SHANK2: variants seen among roughly 807,000 people sequenced by gnomAD.
SHANK2 encodes the protein SH3 and multiple ankyrin repeat domains protein 2.
Under a neutral mutation model 133.7 loss-of-function variants are expected in SHANK2, and 43 were observed. The observed-to-expected ratio is 0.32, with a 90% CI of 0.25 to 0.41. The LOEUF is 0.41. SHANK2 is among the 10% of genes least tolerant of loss of function. SHANK2 has a pLI of 1.00. For synonymous variants in SHANK2, 1,017 were observed against 952.8 expected (o/e 1.07, Z -1.24); for missense variants, 1,994 against 2,235.8 (o/e 0.89, Z 2.18).
intron 10 of SHANK2, chr11:70,911,266 C>A: frequency 2.2e-6 from 1 of 444,814 alleles, no homozygotes; most frequent in Non-Finnish European, 4.5e-6. Flanking sequence ...TGCTCTGTTG[C>A]CCTGGCTTGA....
chr11:70,636,803 A>T (rs1213921182), intron 17 of SHANK2, among the ~76,000 whole-genome samples: 1 of 151,892 alleles, frequency 6.6e-6, no homozygotes, highest in South Asian at 2.1e-4. Flanking sequence ...CGTGTGTGTG[A>T]ACATGTGTGT....
chr11:71,210,230 ATATATATATATATATATATATATT>A (rs1310221434), intron 2 of SHANK2, among the ~76,000 whole-genome samples: 767 of 70,500 alleles, frequency 0.011, 31 homozygotes, highest in African/African-American at 0.04. Flanking sequence ...ATATATATAT[ATATATATATATATATATATATATT>A]TATTTATTTT....
chr11:70,602,754 T>C (rs1554991325), intron 17 of SHANK2, among the ~76,000 whole-genome samples: 1 of 152,262 alleles, frequency 6.6e-6, no homozygotes, highest in Admixed American at 6.5e-5. Context: ...ACATAAAATG[T>C]TACATCCTCT....
intron 17 of SHANK2, among the ~76,000 whole-genome samples, chr11:70,510,601 C>G (rs1251352280): frequency 6.6e-6 from 1 of 152,198 alleles, no homozygotes; most frequent in Admixed American, 6.5e-5. Flanking sequence ...AGATCCTGTC[C>G]CTCCTTTCCC....
rs77125771 is a variant in SHANK2 at position 70,602,304 on chromosome 11, C to T, written c.2061+57524G>A. On this transcript the variant is annotated intron_variant, in intron 17 of 25. Coordinates refer to ENST00000601538, the MANE Select transcript of SHANK2 (RefSeq NM_012309.5). ...ATAAATTACCCAGTCATAGATATTT[C>T]TTTACAGCAACACAAGAAGGGCCTA... Among the ~76,000 whole-genome samples, 1,414 of 152,352 alleles carry T rather than the reference C, an allele frequency of 9.3e-3. 28 individuals carry two copies. The highest frequency in any genetic ancestry group is 0.033 in the African/African-American group (1,356 of 41,568).
Position 71,090,442 on chromosome 11 carries a change from C to CGTGT in SHANK2, c.912+1976_912+1979dup, listed in dbSNP as rs1181678975. ...GCCAGGGTTCTCCAGAGAAACACTA[C>CGTGT]GTGTGTGTGTGTGTGTGTGTGTGTG... On this transcript the variant is annotated intron_variant, in intron 8 of 25. Transcript: ENST00000601538. Among the ~76,000 whole-genome samples the CGTGT allele has an allele frequency of 5.0e-4, 4 of 8,044 alleles. 2 individuals carry two copies. Among genetic ancestry groups the CGTGT allele is most frequent in the African/African-American group, 9.7e-4 (2 of 2,058 alleles). The allele number at this position is 8,044 out of a possible 152,430, so 5.3% of individuals were successfully genotyped here.
rs563440586 is a variant in SHANK2 at position 70,502,644 on chromosome 11, C to T, written c.2197+152G>A. The T allele has an allele frequency of 5.9e-4, 536 of 901,116 alleles. 1 individual carries two copies. The African/African-American group carries it at 8.0e-3, about 13-fold the overall frequency. The allele number at this position is 901,116 out of a possible 1,614,324, so 55.8% of individuals were successfully genotyped here. On this transcript the variant is annotated intron_variant, in intron 18 of 25. Transcript: ENST00000601538. ...CCCAAGTCATTGTCGTGGGCTCTGG[C>T]GGTAAATTCCAGCCTCACCCCTGTG...
intron 25 of SHANK2, among the ~76,000 whole-genome samples, chr11:70,478,128 GGTAA>G (rs2058687619): frequency 6.6e-6 from 1 of 151,724 alleles, no homozygotes; most frequent in African/African-American, 2.4e-5. Flanking sequence ...ATTGGGGTGA[GGTAA>G]GTAAAGAAGC....
At chr11:70,660,789 AGGC>A (rs2061475552) in intron 16 of SHANK2, among the ~76,000 whole-genome samples, 1 of 152,162 alleles carries the variant, frequency 6.6e-6, no homozygotes, top group Non-Finnish European at 1.5e-5. Flanking sequence ...CCTGAGTCTG[AGGC>A]AGGTGGGCAT....
At chr11:71,245,321 T>C (rs1042365201) in intron 1 of SHANK2, among the ~76,000 whole-genome samples, 2 of 152,216 alleles carry the variant, frequency 1.3e-5, no homozygotes, top group Admixed American at 6.5e-5. Context: ...TTGTTATCCA[T>C]AAAAACACAT....
intron 9 of SHANK2, among the ~76,000 whole-genome samples, chr11:71,070,877 A>T (rs1951133854): frequency 6.6e-6 from 1 of 152,168 alleles, no homozygotes; most frequent in African/African-American, 2.4e-5. Flanking sequence ...TGGGGAGAGG[A>T]TGTCCTGAGA....
intron 15 of SHANK2, among the ~76,000 whole-genome samples, chr11:70,692,797 C>T (rs1555021365): frequency 6.6e-6 from 1 of 152,182 alleles, no homozygotes; most frequent in Non-Finnish European, 1.5e-5. Context: ...AAATAGGGAG[C>T]TGTGGACAGT....
chr11:70,753,411 T>C (rs1305118349), intron 14 of SHANK2, among the ~76,000 whole-genome samples: 1 of 152,014 alleles, frequency 6.6e-6, no homozygotes, highest in Non-Finnish European at 1.5e-5. Context: ...TTCGCCAAGA[T>C]AGACCACAGC....
At chr11:70,902,050 C>A (rs782339023) in intron 10 of SHANK2, among the ~76,000 whole-genome samples, 3 of 152,220 alleles carry the variant, frequency 2.0e-5, no homozygotes, top group Non-Finnish European at 4.4e-5. Flanking sequence ...AAGATGTCTC[C>A]ATGGCCCGGG....
intron 6 of SHANK2, among the ~76,000 whole-genome samples, chr11:71,104,546 G>A (rs2135184234): frequency 6.6e-6 from 1 of 152,344 alleles, no homozygotes; most frequent in South Asian, 2.1e-4. Flanking sequence ...GTTGGAACTT[G>A]CGTTTAGCTT....
In SHANK2 at chr11:70,822,823, G is replaced by A. The variant is rs111656605; in HGVS notation, c.1175-2141C>T. Among the ~76,000 whole-genome samples the A allele has an allele frequency of 2.6e-5, 3 of 113,788 alleles. 1 individual carries two copies. The highest frequency in any genetic ancestry group is 1.1e-4 in the African/African-American group (3 of 28,474). 74.6% of individuals were successfully genotyped at this position (113,788 alleles called of 152,430 possible). A position where few individuals can be genotyped will look rare whatever the true frequency, so the allele number is the denominator to read the frequency against. ...GCTCATAGGGGACAGAGGTGGCGCT[G>A]GCAGAGCTCATGGGGGTCAGAGGTG... On this transcript the variant is annotated intron_variant, in intron 11 of 25. Transcript: ENST00000601538.
At chr11:71,200,864 A>ACACACT (rs1491041136) in intron 2 of SHANK2, among the ~76,000 whole-genome samples, 10 of 149,250 alleles carry the variant, frequency 6.7e-5, no homozygotes, top group African/African-American at 2.5e-4. Flanking sequence ...ACACACACAC[A>ACACACT]CTTCAGATCT....
intron 11 of SHANK2, among the ~76,000 whole-genome samples, chr11:70,850,527 C>T (rs926943471): frequency 1.3e-5 from 2 of 152,170 alleles, no homozygotes; most frequent in African/African-American, 2.4e-5. Context: ...TGTGTAGAAA[C>T]CATACCAAGG....
At chr11:70,780,576 ATTT>A (rs35733465) in intron 14 of SHANK2, among the ~76,000 whole-genome samples, 1 of 140,864 alleles carries the variant, frequency 7.1e-6, no homozygotes, top group Non-Finnish European at 1.5e-5. Context: ...CTGGTAATGC[ATTT>A]TTTTTTTTTT....
Sources: allele counts gnomAD v4.1 joint callset (sites outside exome capture counted in the v4.1 genomes callset), GRCh38; gene constraint gnomAD v4.1.1; transcripts MANE v1.5; gene names NCBI Gene and HGNC (gene_info 2026-07-23, HGNC 2026-07-21).